SEC16B: variants seen among roughly 807,000 people sequenced by gnomAD.
SEC16B encodes protein transport protein Sec16B.
In SEC16B, 115 loss-of-function variants were observed where a neutral mutation model predicts 141.8. The observed-to-expected ratio is 0.81, with a 90% confidence interval of 0.70 to 0.95. SEC16B has a LOEUF of 0.95. Among genes scored for constraint, SEC16B ranks in the 40% least tolerant of loss-of-function variants. The pLI, the probability that SEC16B is intolerant of heterozygous loss-of-function variation, is 0.00. For missense variants in SEC16B, 1,291 were observed against 1,312.3 expected (o/e 0.98, Z 0.25); for synonymous variants, 493 against 492.5 (o/e 1.00, Z -0.01).
At chr1:177,935,952 C>T (rs950128371) in intron 20 of SEC16B, among the ~76,000 whole-genome samples, 2 of 152,172 alleles carry the variant, frequency 1.3e-5, no homozygotes, top group Non-Finnish European at 2.9e-5. Context: ...AAAATTAAAA[C>T]AAGGAAATAT....
Position 177,930,742 on chromosome 1 carries a change from C to T in SEC16B, c.3013-99G>A, listed in dbSNP as rs186697983. 13 of 803,176 alleles carry T rather than the reference C, an allele frequency of 1.6e-5. No individual in the cohort carries two copies. The Admixed American group carries it at 3.0e-4, about 18-fold the overall frequency. 49.8% of individuals were successfully genotyped at this position (803,176 alleles called of 1,614,324 possible). ...GCATATCAGGATTATTTGTTTTTTT[C>T]TCAGTGATTTCTTTAAGTTCCTTAT... On this transcript the variant is annotated intron_variant, in intron 24 of 25. Transcript: ENST00000308284.
In SEC16B at chr1:177,958,042, A is replaced by G. The variant is rs539605685; in HGVS notation, c.1365+90T>C. ...CTTGCATCCTCCCTGAAATGAGTATATACTATTCACATAATTTGAGCAGCG... is the reference window on the plus strand; with the variant it reads ...CTTGCATCCTCCCTGAAATGAGTATGTACTATTCACATAATTTGAGCAGCG... On this transcript the variant is annotated intron_variant, in intron 10 of 25. Coordinates refer to ENST00000308284, the MANE Select transcript of SEC16B (RefSeq NM_033127.4). The G allele has an allele frequency of 3.2e-5, 28 of 885,576 alleles. No individual in the cohort carries two copies. In the South Asian group the frequency reaches 7.0e-4, roughly 22 times the overall value. 54.9% of individuals were successfully genotyped at this position (885,576 alleles called of 1,614,324 possible).
At chr1:177,979,862 TACTCAC>T (rs1436192358) in intron 1 of SEC16B, among the ~76,000 whole-genome samples, 1 of 152,046 alleles carries the variant, frequency 6.6e-6, no homozygotes, top group African/African-American at 2.4e-5. Context: ...TCGTGAAACT[TACTCAC>T]TATCATGAGA....
At chr1:177,931,125 G>T (rs565758418) in intron 24 of SEC16B, among the ~76,000 whole-genome samples, 70 of 152,308 alleles carry the variant, frequency 4.6e-4, no homozygotes, top group Non-Finnish European at 8.5e-4. Flanking sequence ...ACTTGCACAA[G>T]TATGTTTATA....
At chr1:177,958,763 C>A in intron 9 of SEC16B, 77 bp downstream of exon 9, 1 of 1,497,096 alleles carries the variant, frequency 6.7e-7, no homozygotes. Context: ...ATAATCATGT[C>A]ATAAACATAA....
At chr1:177,942,161 C>A in intron 15 of SEC16B, 121 bp from the exon 16 acceptor site, 1 of 1,105,388 alleles carries the variant, frequency 9.0e-7, no homozygotes, top group Non-Finnish European at 1.3e-6. Context: ...ATCCAAATAC[C>A]AAGAGGCTTG....
chr1:177,965,812 GCTCCTTTGGTCT>G (rs1218807327), intron 3 of SEC16B, 69 bp downstream of exon 3: 1 of 793,998 alleles, frequency 1.3e-6, no homozygotes, highest in Non-Finnish European at 2.1e-6. Context: ...TCTGAACATG[GCTCCTTTGGTCT>G]CTCCCCTGCC....
At chr1:177,958,045 C>T (rs1360068487) in intron 10 of SEC16B, 87 bp downstream of exon 10, 3 of 911,060 alleles carry the variant, frequency 3.3e-6, no homozygotes, top group African/African-American at 1.7e-5. Flanking sequence ...TGAGTATATA[C>T]TATTCACATA....
rs184333581 is a variant in SEC16B, at chr1:177,957,724, C to T, written c.1365+408G>A. Among the ~76,000 whole-genome samples, 3 of 152,192 alleles carry T rather than the reference C, an allele frequency of 2.0e-5. No homozygotes were observed. In the East Asian group the frequency reaches 5.8e-4, roughly 29 times the overall value. ...AATTAAGCTATTATGGACTATAGTTCCCCTTTTGTGCTATCAAATACTAAG... is the reference window on the plus strand; with the variant it reads ...AATTAAGCTATTATGGACTATAGTTTCCCTTTTGTGCTATCAAATACTAAG... On this transcript the variant is annotated intron_variant, in intron 10 of 25. Transcript: ENST00000308284.
At chr1:177,949,160 A>G (rs1338778719) in intron 12 of SEC16B, among the ~76,000 whole-genome samples, 1 of 152,200 alleles carries the variant, frequency 6.6e-6, no homozygotes, top group Non-Finnish European at 1.5e-5. Context: ...GATCTGGTCA[A>G]TGCAGTGAGA....
At chr1:177,946,620 T>C in intron 13 of SEC16B, 89 bp from the exon 14 acceptor site, 2 of 986,004 alleles carry the variant, frequency 2.0e-6, no homozygotes, top group Non-Finnish European at 3.1e-6. Flanking sequence ...GATGGAAGAG[T>C]GGCCTCGGGG....
At chr1:177,954,189 G>A (rs11806168) in intron 11 of SEC16B, 90 bp downstream of exon 11, 45,048 of 868,244 alleles carry the variant, frequency 0.052, 1,347 homozygotes, top group Non-Finnish European at 0.06. Context: ...TCTCCTTAGC[G>A]CGTCTGACAT....
In SEC16B at chr1:177,942,653, G is replaced by A. The variant is rs548599633; in HGVS notation, c.1882-613C>T. 9.2e-5 allele frequency among the ~76,000 whole-genome samples: 14 copies of A among 152,110 alleles called. No individual in the cohort carries two copies. In the South Asian group the frequency reaches 2.7e-3, roughly 29 times the overall value. On this transcript the variant is annotated intron_variant, in intron 15 of 25. Transcript: ENST00000308284. Reference sequence around the variant, plus strand: ...ACTGCCCTCTAGCCTGGGCAACAGAGTGAGACTCTGTCTCAAAAAAAAAAA... The same window carrying A: ...ACTGCCCTCTAGCCTGGGCAACAGAATGAGACTCTGTCTCAAAAAAAAAAA...
chr1:177,940,760 A>G, intron 16 of SEC16B, 46 bp from the exon 17 acceptor site: 1 of 1,289,086 alleles, frequency 7.8e-7, no homozygotes, highest in Non-Finnish European at 1.1e-6. Flanking sequence ...GTAAGAGAGG[A>G]GAGGAGAGAG....
At chr1:177,965,839 A>C (rs1303675206) in intron 3 of SEC16B, 54 bp downstream of exon 3, 1 of 1,160,130 alleles carries the variant, frequency 8.6e-7, no homozygotes, top group African/African-American at 1.5e-5. Flanking sequence ...CCTGCCTCTC[A>C]GACCAGCTGC....
intron 1 of SEC16B, among the ~76,000 whole-genome samples, chr1:177,978,053 C>T (rs142025021): frequency 6.6e-6 from 1 of 152,154 alleles, no homozygotes; most frequent in African/African-American, 2.4e-5. Flanking sequence ...GTGTGAGAAG[C>T]TAAACTATAT....
chr1:177,928,880 A>G lies in SEC16B; in HGVS notation c.*978T>C, dbSNP rs1316623039. 1 of 152,242 alleles carries G rather than the reference A, an allele frequency of 6.6e-6. No homozygotes were observed. Among genetic ancestry groups the G allele is most frequent in the African/African-American group, 2.4e-5 (1 of 41,458 alleles). The allele number at this position is 152,242 out of a possible 1,614,324, so 9.4% of individuals were successfully genotyped here. On this transcript the variant is annotated 3_prime_UTR_variant, in exon 26 of 26. Transcript: ENST00000308284. ...CCTGTATTTACAATTACATGTACAAAAAAAAATGTTCTTTGTGAGGAGCAA... is the reference window on the plus strand; with the variant it reads ...CCTGTATTTACAATTACATGTACAAGAAAAAATGTTCTTTGTGAGGAGCAA...
chr1:177,978,795 T>A (rs1654286879), intron 1 of SEC16B, among the ~76,000 whole-genome samples: 1 of 152,164 alleles, frequency 6.6e-6, no homozygotes, highest in Non-Finnish European at 1.5e-5. Flanking sequence ...ATGTTCTTAT[T>A]TAGCTTTTAT....
upstream of SEC16B, among the ~76,000 whole-genome samples, chr1:177,974,462 G>A (rs1309351224): frequency 6.6e-6 from 1 of 152,144 alleles, no homozygotes; most frequent in Admixed American, 6.5e-5. Context: ...AGAAAAGGAT[G>A]GTGTCCCAGA....
Sources: gnomAD v4.1 joint callset for allele counts (sites outside exome capture counted in the v4.1 genomes callset) on GRCh38, gnomAD v4.1.1 for gene constraint, MANE v1.5 for transcripts, NCBI Gene and HGNC (gene_info 2026-07-23, HGNC 2026-07-21) for gene names.